Variants in CAST observed in about 807,000 individuals in gnomAD.
The protein encoded by CAST is MIR583 host.
A neutral mutation model predicts 119.6 loss-of-function variants in CAST; 76 were observed. The observed-to-expected ratio is 0.64, with a 90% CI of 0.53 to 0.77. CAST has a LOEUF of 0.77. CAST is among the 30% of genes least tolerant of loss of function. CAST has a pLI of 0.00. For missense variants in CAST, 953 were observed against 946.5 expected (o/e 1.01, Z -0.09); for synonymous variants, 319 against 331.6 (o/e 0.96, Z 0.41).
At chr5:96,211,916 G>A in the CAST span, among the ~76,000 whole-genome samples, 1 of 152,080 alleles carries the variant, frequency 6.6e-6, no homozygotes, top group Non-Finnish European at 1.5e-5. Context: ...AGTTTTGCAT[G>A]TAGAATTGCC....
intron 1 of CAST, among the ~76,000 whole-genome samples, chr5:96,564,175 A>C (rs1746430456): frequency 6.6e-6 from 1 of 152,174 alleles, no homozygotes; most frequent in Admixed American, 6.5e-5. Flanking sequence ...CACAGTCACC[A>C]ATTACCTTCA....
the CAST span, among the ~76,000 whole-genome samples, chr5:96,385,428 G>T: frequency 6.6e-6 from 1 of 152,308 alleles, no homozygotes; most frequent in South Asian, 2.1e-4. Flanking sequence ...AAAAGATAGG[G>T]TTGGATAAAC....
the CAST span, among the ~76,000 whole-genome samples, chr5:96,420,408 A>T: frequency 6.6e-6 from 1 of 152,128 alleles, no homozygotes; most frequent in East Asian, 1.9e-4. Context: ...AAACACTCCC[A>T]CTTTGCTCCA....
At chr5:95,988,056 A>G in the CAST span, among the ~76,000 whole-genome samples, 113 of 152,298 alleles carry the variant, frequency 7.4e-4, 1 homozygote, top group African/African-American at 2.1e-3. Flanking sequence ...GTTCTAGAAA[A>G]TCCACTACAT....
chr5:96,500,293 T>G, the CAST span, among the ~76,000 whole-genome samples: 1 of 152,196 alleles, frequency 6.6e-6, no homozygotes, highest in Non-Finnish European at 1.5e-5. Flanking sequence ...AAAAATGCAA[T>G]ATCTGCGAAG....
At chr5:96,161,889 T>G in the CAST span, among the ~76,000 whole-genome samples, 1 of 152,214 alleles carries the variant, frequency 6.6e-6, no homozygotes, top group Non-Finnish European at 1.5e-5. Flanking sequence ...TAAATAGAAT[T>G]GTTTTCTTAA....
At chr5:96,645,493 C>T (rs949159310) in intron 1 of CAST, among the ~76,000 whole-genome samples, 1 of 152,130 alleles carries the variant, frequency 6.6e-6, no homozygotes, top group African/African-American at 2.4e-5. Context: ...TCGTTTCAAA[C>T]ATAATATTCA....
the CAST span, among the ~76,000 whole-genome samples, chr5:96,247,460 A>G: frequency 4.6e-5 from 7 of 152,264 alleles, no homozygotes; most frequent in South Asian, 2.1e-4. Context: ...TCCAGAGTTC[A>G]TGTGCGTAGC....
intron 2 of CAST, among the ~76,000 whole-genome samples, chr5:96,678,886 G>A (rs1751010084): frequency 6.6e-6 from 1 of 152,020 alleles, no homozygotes; most frequent in African/African-American, 2.4e-5. Flanking sequence ...GGAGATGAAT[G>A]TAGCCATGTG....
the CAST span, among the ~76,000 whole-genome samples, chr5:96,422,124 T>C: frequency 0.025 from 3,743 of 151,426 alleles, 151 homozygotes; most frequent in African/African-American, 0.086. Context: ...TTTATTTTAC[T>C]CACAAACCAG....
At chr5:96,569,862 C>T (rs1746541208) in intron 1 of CAST, among the ~76,000 whole-genome samples, 1 of 152,216 alleles carries the variant, frequency 6.6e-6, no homozygotes, top group African/African-American at 2.4e-5. Flanking sequence ...AAGCACATTT[C>T]TCCTGTGAGT....
At chr5:96,486,934 C>A in the CAST span, among the ~76,000 whole-genome samples, 6 of 152,158 alleles carry the variant, frequency 3.9e-5, no homozygotes, top group Non-Finnish European at 7.4e-5. Context: ...AAAAGCCAAT[C>A]AAAAATTGTG....
chr5:96,634,199 G>A (rs556247493), intron 1 of CAST, among the ~76,000 whole-genome samples: 1 of 152,180 alleles, frequency 6.6e-6, no homozygotes, highest in Non-Finnish European at 1.5e-5. Context: ...CTTTTGTGGA[G>A]TGTGTATATT....
intron 1 of CAST, among the ~76,000 whole-genome samples, chr5:96,557,776 G>A (rs1318433543): frequency 6.6e-6 from 1 of 152,118 alleles, no homozygotes; most frequent in Non-Finnish European, 1.5e-5. Context: ...GCACACCACT[G>A]TCAACATTAG....
the CAST span, among the ~76,000 whole-genome samples, chr5:96,485,764 A>G: frequency 1.3e-5 from 2 of 152,154 alleles, no homozygotes; most frequent in South Asian, 2.1e-4. Context: ...CAGAGAATAT[A>G]TAATTCTTCA....
At chr5:96,492,366 A>G in the CAST span, among the ~76,000 whole-genome samples, 1 of 152,190 alleles carries the variant, frequency 6.6e-6, no homozygotes, top group Non-Finnish European at 1.5e-5. Context: ...TTGTCTCAAT[A>G]TATTAGTCTC....
At chr5:96,515,674 C>G in the CAST span, among the ~76,000 whole-genome samples, 1 of 152,224 alleles carries the variant, frequency 6.6e-6, no homozygotes, top group Admixed American at 6.5e-5. Context: ...TGCCTTCTGC[C>G]TTGCAGCAAG....
At chr5:96,444,196 TC>T in the CAST span, among the ~76,000 whole-genome samples, 1 of 152,206 alleles carries the variant, frequency 6.6e-6, no homozygotes, top group Non-Finnish European at 1.5e-5. Flanking sequence ...TTTGCACTAG[TC>T]TGTGAGTCTA....
At chr5:96,420,947 A>G in the CAST span, among the ~76,000 whole-genome samples, 9 of 152,324 alleles carry the variant, frequency 5.9e-5, no homozygotes, top group South Asian at 2.1e-4. Context: ...ACTTGTAGCA[A>G]CAAGCCCTAA....
Sources: allele counts gnomAD v4.1 joint callset (sites outside exome capture counted in the v4.1 genomes callset), GRCh38; gene constraint gnomAD v4.1.1; transcripts MANE v1.5; gene names NCBI Gene and HGNC (gene_info 2026-07-23, HGNC 2026-07-21).